The following SPOCK3 variants were observed in gnomAD, a reference collection of about 807,000 sequenced individuals.
The protein encoded by SPOCK3 is testican-3.
A neutral mutation model predicts 56.6 loss-of-function variants in SPOCK3; 30 were observed. The ratio of observed to expected loss-of-function variants is 0.53; its 90% CI spans 0.40 to 0.72. SPOCK3 has a LOEUF of 0.72. Ranked by LOEUF, SPOCK3 falls within the 30% of genes least tolerant of loss-of-function variation. The probability of loss-of-function intolerance (pLI) is 0.00; values close to 1 mark genes in which losing one functional copy is unlikely to be tolerated. For synonymous variants in SPOCK3, 196 were observed against 183.3 expected (o/e 1.07, Z -0.56); for missense variants, 527 against 530.0 (o/e 0.99, Z 0.06).
chr4:167,224,610 C>T (rs1736403284), intron 2 of SPOCK3, among the ~76,000 whole-genome samples: 1 of 151,970 alleles, frequency 6.6e-6, no homozygotes, highest in Admixed American at 6.6e-5. Context: ...AATGTTCAAA[C>T]TTAACAAAAA....
At chr4:166,917,663 T>C (rs1738012778) in intron 4 of SPOCK3, among the ~76,000 whole-genome samples, 1 of 152,182 alleles carries the variant, frequency 6.6e-6, no homozygotes, top group African/African-American at 2.4e-5. Context: ...TGAAATCTCA[T>C]GGTTTTATAA....
At chr4:166,741,911 T>C in intron 9 of SPOCK3, 86 bp downstream of exon 9, 1 of 968,364 alleles carries the variant, frequency 1.0e-6, no homozygotes, top group Non-Finnish European at 1.6e-6. Context: ...CTATCTTTGT[T>C]GGATTAATAT....
intron 8 of SPOCK3, among the ~76,000 whole-genome samples, chr4:166,753,058 C>A (rs915818968): frequency 6.6e-6 from 1 of 151,828 alleles, no homozygotes; most frequent in Non-Finnish European, 1.5e-5. Context: ...ATCAATCCTG[C>A]AAATATTGCT....
chr4:167,060,735 C>T (rs1357206005), intron 3 of SPOCK3, among the ~76,000 whole-genome samples: 1 of 152,028 alleles, frequency 6.6e-6, no homozygotes, highest in Non-Finnish European at 1.5e-5. Flanking sequence ...ATAGTGTTAT[C>T]ATATGAGTGG....
intron 4 of SPOCK3, among the ~76,000 whole-genome samples, chr4:166,967,881 A>G (rs1744921158): frequency 6.6e-6 from 1 of 152,204 alleles, no homozygotes; most frequent in Admixed American, 6.5e-5. Flanking sequence ...GACTTACTGA[A>G]TGGTTATGAC....
intron 6 of SPOCK3, among the ~76,000 whole-genome samples, chr4:166,872,307 A>G (rs1732573700): frequency 6.6e-6 from 1 of 152,160 alleles, no homozygotes; most frequent in Non-Finnish European, 1.5e-5. Context: ...ATTACTGGCT[A>G]CATAGAAAAT....
rs183242217 is a variant in SPOCK3 at position 167,153,946 on chromosome 4, A to G, written c.189+80039T>C. Reference sequence around the variant, plus strand: ...AATCACTGTCAGAGCCTTCCTTTCCATACTCCTCTCTGCTTTCTCTACATA... The same window carrying G: ...AATCACTGTCAGAGCCTTCCTTTCCGTACTCCTCTCTGCTTTCTCTACATA... On this transcript the variant is annotated intron_variant, in intron 2 of 10. Transcript: ENST00000357545. Among the ~76,000 whole-genome samples the G allele has an allele frequency of 2.6e-5, 4 of 152,032 alleles. 1 individual carries two copies. The East Asian group carries it at 7.8e-4, about 29-fold the overall frequency.
At chr4:166,884,307 A>C (rs1223990911) in intron 6 of SPOCK3, among the ~76,000 whole-genome samples, 2 of 151,680 alleles carry the variant, frequency 1.3e-5, no homozygotes, top group Non-Finnish European at 2.9e-5. Flanking sequence ...GAGCCAAGAT[A>C]GCGCCACTGC....
At chr4:167,017,794 C>T (rs1750766601) in intron 3 of SPOCK3, among the ~76,000 whole-genome samples, 1 of 151,852 alleles carries the variant, frequency 6.6e-6, no homozygotes, top group Admixed American at 6.6e-5. Context: ...ACACAGCTTT[C>T]AACACATCTG....
At chr4:166,878,725 G>T (rs1017326084) in intron 6 of SPOCK3, among the ~76,000 whole-genome samples, 1 of 152,060 alleles carries the variant, frequency 6.6e-6, no homozygotes, top group African/African-American at 2.4e-5. Flanking sequence ...ATAACAGAAA[G>T]AGAGACTCCA....
In SPOCK3 at chr4:166,885,887, C is replaced by T. The variant is rs539014695; in HGVS notation, c.589+3243G>A. On this transcript the variant is annotated intron_variant, in intron 6 of 10. Transcript: ENST00000357545. ...ATTAAAATGATCTTTTGACTCTAAC[C>T]AGTGAAATGAGTAAACCAATGGAGC... 1.2e-4 allele frequency among the ~76,000 whole-genome samples: 19 copies of T among 152,092 alleles called. 1 individual carries two copies. Among genetic ancestry groups the T allele is most frequent in the African/African-American group, 4.3e-4 (18 of 41,494 alleles).
chr4:167,012,617 G>A lies in SPOCK3; in HGVS notation c.236-12154C>T, dbSNP rs1456966738. ...AAAAGCAGATGAATAGTAAAACTCA[G>A]AGTTTAGTGGCAATTTTGGAAAAAT... On this transcript the variant is annotated intron_variant, in intron 3 of 10. Coordinates refer to ENST00000357545, the MANE Select transcript of SPOCK3 (RefSeq NM_001040159.2). 2.6e-5 allele frequency among the ~76,000 whole-genome samples: 4 copies of A among 151,912 alleles called. No individual in the cohort carries two copies. In the East Asian group the frequency reaches 7.7e-4, roughly 29 times the overall value.
intron 2 of SPOCK3, among the ~76,000 whole-genome samples, chr4:167,134,601 A>T (rs1762967109): frequency 6.6e-6 from 1 of 152,180 alleles, no homozygotes; most frequent in African/African-American, 2.4e-5. Context: ...ATAATAATAA[A>T]AAAAGAATTT....
At chr4:166,822,089 A>G (rs1334861437) in intron 6 of SPOCK3, among the ~76,000 whole-genome samples, 1 of 151,564 alleles carries the variant, frequency 6.6e-6, no homozygotes, top group Non-Finnish European at 1.5e-5. Context: ...GATCCTAACA[A>G]TAAAAATAAT....
At chr4:167,037,463 C>A (rs1429895084) in intron 3 of SPOCK3, among the ~76,000 whole-genome samples, 1 of 143,608 alleles carries the variant, frequency 7.0e-6, no homozygotes, top group Non-Finnish European at 1.5e-5. Flanking sequence ...GCCTGGGCGA[C>A]AGAGCCAGAC....
At chr4:166,868,773 A>G (rs1307974279) in intron 6 of SPOCK3, among the ~76,000 whole-genome samples, 3 of 152,156 alleles carry the variant, frequency 2.0e-5, no homozygotes, top group African/African-American at 7.2e-5. Flanking sequence ...CAATGGCTAC[A>G]TGCTATGTGT....
intron 6 of SPOCK3, among the ~76,000 whole-genome samples, chr4:166,847,366 T>G (rs1427434650): frequency 6.6e-6 from 1 of 151,888 alleles, no homozygotes; most frequent in Non-Finnish European, 1.5e-5. Context: ...TTATATAAAT[T>G]AAAGGTTTCT....
chr4:166,871,769 T>C (rs1267978743), intron 6 of SPOCK3, among the ~76,000 whole-genome samples: 1 of 151,206 alleles, frequency 6.6e-6, no homozygotes, highest in Non-Finnish European at 1.5e-5. Context: ...TAAAATATCT[T>C]ATGATATTTT....
intron 4 of SPOCK3, among the ~76,000 whole-genome samples, chr4:166,951,266 C>A (rs1742581187): frequency 7.1e-6 from 1 of 140,534 alleles, no homozygotes; most frequent in African/African-American, 3.0e-5. Flanking sequence ...ACCAATCCCA[C>A]AGAAATACAA....
Sources: allele counts gnomAD v4.1 joint callset (sites outside exome capture counted in the v4.1 genomes callset), GRCh38; gene constraint gnomAD v4.1.1; transcripts MANE v1.5; gene names NCBI Gene and HGNC (gene_info 2026-07-23, HGNC 2026-07-21).